The following DBT variants were observed in gnomAD, a reference collection of about 807,000 sequenced individuals.
The protein encoded by DBT is lipoamide acyltransferase component of branched-chain alpha-keto acid dehydrogenase complex, mitochondrial.
Under a neutral mutation model 51.3 loss-of-function variants are expected in DBT, and 40 were observed. The ratio of observed to expected loss-of-function variants is 0.78; its 90% CI spans 0.61 to 1.02. DBT has a LOEUF of 1.02. Ranked by LOEUF, DBT falls within the 50% of genes least tolerant of loss-of-function variation. The pLI, the probability that DBT is intolerant of heterozygous loss-of-function variation, is 0.00. For missense variants in DBT, 510 were observed against 580.2 expected, an observed-to-expected ratio of 0.88 and a Z score of 1.24; for synonymous variants, 181 against 190.4, an observed-to-expected ratio of 0.95 and a Z score of 0.41.
chr1:100,239,851 CAAAAAAAAAAAAAAAAAAA>C (rs56661922), intron 2 of DBT, among the ~76,000 whole-genome samples: 43 of 111,146 alleles, frequency 3.9e-4, no homozygotes, highest in Non-Finnish European at 4.7e-4. Context: ...CAACAGAGCT[CAAAAAAAAAAAAAAAAAAA>C]AAAAAAAAAA....
intron 1 of DBT, among the ~76,000 whole-genome samples, chr1:100,249,496 G>C (rs1664781345): frequency 6.6e-6 from 1 of 152,156 alleles, no homozygotes; most frequent in South Asian, 2.1e-4. Flanking sequence ...CCTGGAAGGC[G>C]CTCAATAAAA....
intron 7 of DBT, chr1:100,213,412 G>A: frequency 3.2e-6 from 5 of 1,580,030 alleles, no homozygotes; most frequent in Admixed American, 1.8e-5. Context: ...CCCCGCAGCC[G>A]CCCTACTCCT....
At position 100,195,366 on chromosome 1, in the gene DBT, T is replaced by C. The variant is rs1404327222; in HGVS notation, c.*889A>G. Reference sequence around the variant, plus strand: ...AATAGACTGGTTATAAAACTATAATTGGACAATTTTAAGGCCAGTTTATAC... The same window carrying C: ...AATAGACTGGTTATAAAACTATAATCGGACAATTTTAAGGCCAGTTTATAC... On this transcript the variant is annotated 3_prime_UTR_variant, in exon 11 of 11. Transcript: ENST00000370132. 1 of 152,616 alleles carries C rather than the reference T, an allele frequency of 6.6e-6. No individual in the cohort carries two copies. The highest frequency in any genetic ancestry group is 1.5e-5 in the Non-Finnish European group (1 of 68,036). 9.5% of individuals were successfully genotyped at this position (152,616 alleles called of 1,614,324 possible).
At chr1:100,227,090 G>T (rs1663262690) in intron 4 of DBT, among the ~76,000 whole-genome samples, 1 of 152,184 alleles carries the variant, frequency 6.6e-6, no homozygotes, top group Non-Finnish European at 1.5e-5. Context: ...GCATGTTATT[G>T]TCCTGAATAT....
chr1:100,230,715 T>A lies in DBT; in HGVS notation c.433+18A>T. 1.3e-6 allele frequency: 2 copies of A among 1,557,586 alleles called. No homozygotes were observed. Among genetic ancestry groups the A allele is most frequent in the Non-Finnish European group, 8.8e-7 (1 of 1,133,616 alleles). Reference sequence around the variant, plus strand: ...CCAATAATCAATTTGGTAAAATAGATTAACAGACTTACAATACCTTTTAAA... The same window carrying A: ...CCAATAATCAATTTGGTAAAATAGAATAACAGACTTACAATACCTTTTAAA... On this transcript the variant is annotated intron_variant, in intron 4 of 10. Transcript: ENST00000370132.
rs955153552 is a variant in DBT at position 100,191,840 on chromosome 1, A to G, written c.*4415T>C. ...TGCTCTGTCGCCCAGGCTGGAGCGC[A>G]ATGGCACAATCTCAGCTCACGGCAG... is the stretch of plus-strand genomic sequence containing the variant. On this transcript the variant is annotated 3_prime_UTR_variant, in exon 11 of 11. Coordinates refer to ENST00000370132, the MANE Select transcript of DBT (RefSeq NM_001918.5). The G allele has an allele frequency of 6.6e-6, 1 of 152,250 alleles. No homozygotes were observed. The highest frequency in any genetic ancestry group is 2.4e-5 in the African/African-American group (1 of 41,126). The allele number at this position is 152,250 out of a possible 1,614,324, so 9.4% of individuals were successfully genotyped here. A position where few individuals can be genotyped will look rare whatever the true frequency, so the allele number is the denominator to read the frequency against.
chr1:100,244,543 C>T (rs780350369), intron 1 of DBT, among the ~76,000 whole-genome samples: 1 of 152,140 alleles, frequency 6.6e-6, no homozygotes, highest in South Asian at 2.1e-4. Flanking sequence ...TAACTATTAC[C>T]GTATTCCTCT....
rs1339426451 is a variant in DBT at position 100,206,278 on chromosome 1, T to C, written c.1233A>G (p.Pro411=). 6.2e-7 allele frequency: 1 copy of C among 1,612,358 alleles called. No homozygotes were observed. Among genetic ancestry groups the C allele is most frequent in the Admixed American group, 1.7e-5 (1 of 59,876 alleles). ...IGSIGGTFAK[P]VIMPPEVAIG... is the part of the protein sequence containing the mutation. ...TGGCTACTTCAGGTGGCATTATCAC[T>C]GGTTTGGCAAAGGTACCACCAATCT... The change falls in exon 10 of 11, where the codon CCA becomes CCG. Residue 411 remains proline (P), a synonymous_variant. Transcript: ENST00000370132.
chr1:100,218,222 TA>T (rs1662610639), intron 5 of DBT, among the ~76,000 whole-genome samples: 1 of 152,168 alleles, frequency 6.6e-6, no homozygotes, highest in African/African-American at 2.4e-5. Context: ...CTTGATACCA[TA>T]ACCATGTCTG....
chr1:100,197,236 G>A (rs987248262), intron 10 of DBT, among the ~76,000 whole-genome samples: 2 of 152,180 alleles, frequency 1.3e-5, no homozygotes, highest in Admixed American at 1.3e-4. Flanking sequence ...GGATACAACA[G>A]TCACAGCCAG....
chr1:100,209,707 G>A (rs1326373936), intron 8 of DBT, among the ~76,000 whole-genome samples: 1 of 152,018 alleles, frequency 6.6e-6, no homozygotes, highest in African/African-American at 2.4e-5. Context: ...GACTATAGGC[G>A]CTGGCCACCA....
intron 3 of DBT, among the ~76,000 whole-genome samples, chr1:100,232,806 C>A (rs1189726323): frequency 6.6e-6 from 1 of 151,992 alleles, no homozygotes; most frequent in East Asian, 1.9e-4. Flanking sequence ...AACAGGAATA[C>A]GTATGACAGA....
chr1:100,232,296 GTT>G (rs1663593612), intron 3 of DBT, among the ~76,000 whole-genome samples: 2 of 9,354 alleles, frequency 2.1e-4, no homozygotes, highest in Non-Finnish European at 7.3e-4. Flanking sequence ...CATCTGGGTT[GTT>G]GTTGTTGTTG....
intron 10 of DBT, among the ~76,000 whole-genome samples, chr1:100,204,298 A>G (rs547013755): frequency 1.3e-5 from 2 of 152,318 alleles, no homozygotes; most frequent in East Asian, 3.9e-4. Context: ...AAGCATTCCT[A>G]TACACCAATA....
At chr1:100,241,452 G>A (rs1664205115) in intron 1 of DBT, among the ~76,000 whole-genome samples, 1 of 151,422 alleles carries the variant, frequency 6.6e-6, no homozygotes, top group Non-Finnish European at 1.5e-5. Flanking sequence ...CTGGAGTGCA[G>A]TGGTGCGATC....
chr1:100,209,653 C>T (rs1209469848), intron 8 of DBT, among the ~76,000 whole-genome samples: 1 of 152,150 alleles, frequency 6.6e-6, no homozygotes, highest in Non-Finnish European at 1.5e-5. Context: ...CCTCCGCCTC[C>T]TGGGTTCAAG....
intron 3 of DBT, 122 bp from the exon 4 acceptor site, chr1:100,231,036 G>A: frequency 1.5e-6 from 1 of 687,158 alleles, no homozygotes; most frequent in Non-Finnish European, 2.6e-6. Flanking sequence ...ACTTTCAGAT[G>A]GTGTACTAAG....
At chr1:100,236,923 T>A (rs1014770962) in intron 2 of DBT, among the ~76,000 whole-genome samples, 3 of 152,234 alleles carry the variant, frequency 2.0e-5, no homozygotes, top group Non-Finnish European at 4.4e-5. Flanking sequence ...AAAGACTTTG[T>A]GTACCATGCT....
At chr1:100,218,781 A>G in intron 4 of DBT, 34 bp from the exon 5 acceptor site, 1 of 1,610,478 alleles carries the variant, frequency 6.2e-7, no homozygotes, top group Non-Finnish European at 8.5e-7. Context: ...TTCAGTTGAA[A>G]AAAAATTTTT....
Sources: allele counts gnomAD v4.1 joint callset (sites outside exome capture counted in the v4.1 genomes callset), GRCh38; gene constraint gnomAD v4.1.1; transcripts MANE v1.5; gene names NCBI Gene and HGNC (gene_info 2026-07-23, HGNC 2026-07-21).